The following IGFN1 variants were observed in gnomAD, a reference collection of about 807,000 sequenced individuals.
The protein encoded by IGFN1 is immunoglobulin-like and fibronectin type III domain-containing protein 1.
In IGFN1, 253 loss-of-function variants were observed where a neutral mutation model predicts 289.5. The ratio of observed to expected loss-of-function variants is 0.87; its 90% confidence interval spans 0.79 to 0.97. The LOEUF is 0.97. IGFN1 is among the 50% of genes least tolerant of loss of function. The probability of loss-of-function intolerance (pLI) is 0.00; values close to 1 mark genes in which losing one functional copy is unlikely to be tolerated. For missense variants in IGFN1, 4,470 were observed against 4,686.1 expected (o/e 0.95, Z 1.35); for synonymous variants, 1,706 against 1,788.5 (o/e 0.95, Z 1.16).
intron 3 of IGFN1, 137 bp downstream of exon 3, chr1:201,194,410 A>C: frequency 1.1e-6 from 1 of 905,512 alleles, no homozygotes; most frequent in Non-Finnish European, 1.6e-6. Context: ...TCTCCCTCCT[A>C]TCCTTGAGGG....
At chr1:201,202,563 T>C (rs1667209128) in intron 9 of IGFN1, among the ~76,000 whole-genome samples, 1 of 152,082 alleles carries the variant, frequency 6.6e-6, no homozygotes. Context: ...GCTAATTCCT[T>C]CATGGCAGAG....
At chr1:201,215,237 C>T in intron 14 of IGFN1, 83 bp downstream of exon 14, 1 of 1,434,292 alleles carries the variant, frequency 7.0e-7, no homozygotes, top group Non-Finnish European at 9.4e-7. Context: ...TTTAAAACAC[C>T]TGAATTTGTG....
Position 201,228,424 on chromosome 1 carries a change from T to C in IGFN1, c.*25T>C. The C allele has an allele frequency of 1.2e-6, 2 of 1,613,052 alleles. No individual in the cohort carries two copies. Among genetic ancestry groups the C allele is most frequent in the Non-Finnish European group, 1.7e-6 (2 of 1,179,040 alleles). Reference sequence around the variant, plus strand: ...GCCTCACCTCACCCTGGGATGGTCCTGGACCCTTGAAGCTTCACTTCCGAC... The same window carrying C: ...GCCTCACCTCACCCTGGGATGGTCCCGGACCCTTGAAGCTTCACTTCCGAC... On this transcript the variant is annotated 3_prime_UTR_variant, in exon 24 of 24. Coordinates refer to ENST00000335211, the MANE Select transcript of IGFN1 (RefSeq NM_001164586.2).
Position 201,194,392 on chromosome 1 carries a change from A to G in IGFN1, c.127+119A>G, listed in dbSNP as rs1240653702. 5.6e-6 allele frequency: 6 copies of G among 1,080,152 alleles called. No homozygotes were observed. The East Asian group carries it at 1.6e-4, about 28-fold the overall frequency. The allele number at this position is 1,080,152 out of a possible 1,614,324, so 66.9% of individuals were successfully genotyped here. ...CAGGCCCTATATCCATCACTAGGCC[A>G]TAGCCCATCTCCCTCCTATCCTTGA... On this transcript the variant is annotated intron_variant, in intron 3 of 23. Coordinates refer to ENST00000335211, the MANE Select transcript of IGFN1 (RefSeq NM_001164586.2).
intron 23 of IGFN1, among the ~76,000 whole-genome samples, chr1:201,228,007 A>G (rs1172537741): frequency 6.6e-6 from 1 of 152,234 alleles, no homozygotes; most frequent in Non-Finnish European, 1.5e-5. Context: ...AAAACACCTT[A>G]TATTTTGAAT....
intron 18 of IGFN1, among the ~76,000 whole-genome samples, chr1:201,219,310 G>T (rs1392846371): frequency 6.6e-6 from 1 of 152,204 alleles, no homozygotes; most frequent in African/African-American, 2.4e-5. Flanking sequence ...ATCAATCCTG[G>T]TCTCTGCCCT....
rs1269091817 is a variant in IGFN1, at chr1:201,206,316, G to C, written c.1423G>C (p.Asp475His). The C allele has an allele frequency of 6.5e-7, 1 of 1,550,228 alleles. No homozygotes were observed. The highest frequency in any genetic ancestry group is 1.4e-5 in the African/African-American group (1 of 73,054). ...CAGACATGGCTACTCCTTGATGGGG[G>C]ACAAAGGGACAGCTGACTCAGCCTG... is the stretch of plus-strand genomic sequence containing the variant. ...LGRHGYSLMG[D>H]KGTADSAWGP... The change falls in exon 12 of 24, where the codon GAC becomes CAC. Residue 475 changes from aspartate to histidine, a missense_variant. By Grantham distance (81) the Asp-to-His change is moderately conservative. This residue lies in a region of IGFN1 where 2,011 missense variants were observed against 1,953.4 expected (regional missense o/e 1.03). Transcript: ENST00000335211.
chr1:201,207,570 G>A lies in IGFN1; in HGVS notation c.2677G>A (p.Ala893Thr), dbSNP rs1172151819. 2.0e-6 allele frequency: 3 copies of A among 1,537,002 alleles called. No individual in the cohort carries two copies. In the Admixed American group the frequency reaches 5.9e-5, roughly 30 times the overall value. ...VDARSHWLSR[A>T]PGLGAQGSGG... ...TGCCAGAAGCCACTGGCTAAGTAGG[G>A]CTCCAGGCCTGGGTGCTCAGGGATC... Residue 893 changes from alanine (A) to threonine (T), a missense_variant, in exon 12 of 24, where the codon GCT (alanine) becomes ACT (threonine). Physicochemically the swap from Ala to Thr is moderately conservative, Grantham distance 58. This residue lies in a region of IGFN1 where 2,011 missense variants were observed against 1,953.4 expected (regional missense o/e 1.03). Transcript: ENST00000335211.
At chr1:201,196,108 T>TC (rs1666908181) in intron 4 of IGFN1, 130 bp downstream of exon 4, 6 of 938,816 alleles carry the variant, frequency 6.4e-6, no homozygotes, top group African/African-American at 1.7e-5. Flanking sequence ...TCCATTCAAC[T>TC]CCATCTCGTG....
Position 201,212,511 on chromosome 1 carries a change from G to A in IGFN1, c.7618G>A (p.Ala2540Thr), listed in dbSNP as rs760428764. ...GGGGGCAGTGGAAGGTGAGACCTGG[G>A]CAGGAATGGCTGCTCTAGGGTCTGG... ...GKGAVEGETW[A>T]GMAALGSGYE... is the part of the protein sequence containing the mutation. Residue 2540 changes from alanine (A) to threonine (T), a missense_variant, in exon 12 of 24, where the codon GCA becomes ACA. Physicochemically the swap from Ala to Thr is moderately conservative, Grantham distance 58. Around this residue, in one of 8 missense-constraint regions of IGFN1, gnomAD observed 2,218 missense variants for 2,114.1 expected, o/e 1.05. Transcript: ENST00000335211. 7.1e-6 allele frequency: 11 copies of A among 1,545,214 alleles called. No individual in the cohort carries two copies. Among genetic ancestry groups the A allele is most frequent in the Middle Eastern group, 1.7e-4 (1 of 5,990 alleles).
chr1:201,215,915 C>T (rs982826168), intron 15 of IGFN1, 77 bp downstream of exon 15: 49 of 1,377,500 alleles, frequency 3.6e-5, no homozygotes, highest in Non-Finnish European at 4.9e-5. Context: ...CAAGGGCAGG[C>T]CTGGGATATG....
rs570974542 is a variant in IGFN1, at chr1:201,227,015, G to A, written c.10920G>A (p.Ser3640=). 1.1e-5 allele frequency: 17 copies of A among 1,613,434 alleles called. No individual in the cohort carries two copies. The highest frequency in any genetic ancestry group is 5.5e-5 in the South Asian group (5 of 91,086). The change falls in exon 23 of 24, where the codon TCG becomes TCA. Residue 3640 remains serine, a synonymous_variant. Transcript: ENST00000335211. ...ECCMSCAVQG[S]PRPHVTWFKN... ...GCATGAGCTGTGCCGTGCAGGGCTCGCCCCGGCCCCACGTCACCTGGTTCA... is the reference window on the plus strand; with the variant it reads ...GCATGAGCTGTGCCGTGCAGGGCTCACCCCGGCCCCACGTCACCTGGTTCA...
rs1323598097 is a variant in IGFN1, at chr1:201,205,126, G to C, written c.961G>C (p.Glu321Gln). ...VVVPLAETHC[E>Q]EQGDAVFECT... ...GGTCCCACTGGCGGAGACCCACTGTGAGGAGCAGGGTGACGCAGTCTTTGA... is the reference window on the plus strand; with the variant it reads ...GGTCCCACTGGCGGAGACCCACTGTCAGGAGCAGGGTGACGCAGTCTTTGA... Residue 321 changes from glutamate (E) to glutamine (Q), a missense_variant, in exon 11 of 24, where the codon GAG becomes CAG. Glu to Gln is a conservative substitution (Grantham distance 29). This residue lies in a region of IGFN1 where 2,011 missense variants were observed against 1,953.4 expected (regional missense o/e 1.03). Coordinates refer to ENST00000335211, the MANE Select transcript of IGFN1 (RefSeq NM_001164586.2). 1 of 1,550,738 alleles carries C rather than the reference G, an allele frequency of 6.4e-7. No individual in the cohort carries two copies. The highest frequency in any genetic ancestry group is 2.0e-5 in the Admixed American group (1 of 50,996).
rs1346486368 is a variant in IGFN1, at chr1:201,193,285, G to A, written c.-9G>A. 5 of 1,539,698 alleles carry A rather than the reference G, an allele frequency of 3.2e-6. No homozygotes were observed. Among genetic ancestry groups the A allele is most frequent in the Non-Finnish European group, 8.8e-7 (1 of 1,135,730 alleles). ...CTACCCTCAGAGGAGTCAAAGAGGA[G>A]GCAGAACTATGGCAGGTAAGAGAAG... is the stretch of plus-strand genomic sequence containing the variant. On this transcript the variant is annotated 5_prime_UTR_variant, in exon 2 of 24. Coordinates refer to ENST00000335211, the MANE Select transcript of IGFN1 (RefSeq NM_001164586.2).
chr1:201,225,587 C>T (rs549101079), intron 21 of IGFN1, among the ~76,000 whole-genome samples: 4 of 152,220 alleles, frequency 2.6e-5, no homozygotes, highest in Admixed American at 1.3e-4. Context: ...AGCCAGACTC[C>T]GTCTCAAAAA....
In IGFN1 at chr1:201,222,671, T is replaced by C. The variant is rs551230496; in HGVS notation, c.10202-68T>C. On this transcript the variant is annotated intron_variant, in intron 19 of 23. Transcript: ENST00000335211. Reference sequence around the variant, plus strand: ...GTCTTCCCCTCCAGCCCTACCTTGCTGGGGACCTGGGGCTGGGGTCCAACT... The same window carrying C: ...GTCTTCCCCTCCAGCCCTACCTTGCCGGGGACCTGGGGCTGGGGTCCAACT... 5 of 1,107,798 alleles carry C rather than the reference T, an allele frequency of 4.5e-6. No homozygotes were observed. The East Asian group carries it at 7.3e-5, about 16-fold the overall frequency. The allele number at this position is 1,107,798 out of a possible 1,614,324, so 68.6% of individuals were successfully genotyped here.
chr1:201,225,379 T>A (rs902116440), intron 21 of IGFN1, among the ~76,000 whole-genome samples: 1 of 152,176 alleles, frequency 6.6e-6, no homozygotes, highest in Non-Finnish European at 1.5e-5. Flanking sequence ...CCTTGTCCTG[T>A]GTCATTTTAC....
chr1:201,195,275 C>T (rs1398176470), intron 3 of IGFN1, among the ~76,000 whole-genome samples: 8 of 152,118 alleles, frequency 5.3e-5, no homozygotes, highest in Non-Finnish European at 1.2e-4. Context: ...CCTCAGCCTC[C>T]CAAGTAGCTG....
At chr1:201,216,041 C>A in intron 15 of IGFN1, 2 of 729,680 alleles carry the variant, frequency 2.7e-6, no homozygotes, top group Non-Finnish European at 5.0e-6. Flanking sequence ...TGGGCTCCTG[C>A]TGGGGGGGAG....
Sources: gnomAD v4.1 joint callset for allele counts (sites outside exome capture counted in the v4.1 genomes callset) on GRCh38, gnomAD v4.1.1 for gene constraint, gnomAD v4.1.1 regional missense constraint, MANE v1.5 for transcripts, NCBI Gene and HGNC (gene_info 2026-07-23, HGNC 2026-07-21) for gene names.